MROH2B: variants seen among roughly 807,000 people sequenced by gnomAD.
MROH2B encodes maestro heat like repeat family member 2B.
In MROH2B, 177 loss-of-function variants were observed where a neutral mutation model predicts 208.6. That is an observed-to-expected ratio of 0.85 (90% confidence interval 0.75 to 0.96). The LOEUF (loss-of-function observed/expected upper bound fraction) is 0.96. MROH2B is among the 40% of genes least tolerant of loss of function. The probability of loss-of-function intolerance (pLI) is 0.00; values close to 1 mark genes in which losing one functional copy is unlikely to be tolerated. For synonymous variants in MROH2B, 728 were observed against 659.0 expected (o/e 1.10, Z -1.60); for missense variants, 2,002 against 1,878.7 (o/e 1.07, Z -1.21).
At position 41,047,711 on chromosome 5, in the gene MROH2B, C is replaced by T; in HGVS notation, c.1728+10G>A. The T allele has an allele frequency of 6.3e-7, 1 of 1,590,490 alleles. No individual in the cohort carries two copies. Reference sequence around the variant, plus strand: ...CCATTATTAAAAATTATTCTAGAAGCCAGCCTTACCTGAAGCAGCATGGTT... The same window carrying T: ...CCATTATTAAAAATTATTCTAGAAGTCAGCCTTACCTGAAGCAGCATGGTT... On this transcript the variant is annotated intron_variant, in intron 17 of 41. Transcript: ENST00000399564.
chr5:41,022,576 C>A (rs1040601959), intron 24 of MROH2B, among the ~76,000 whole-genome samples: 2 of 152,158 alleles, frequency 1.3e-5, no homozygotes, highest in Non-Finnish European at 1.5e-5. Flanking sequence ...TGGAGCCCAC[C>A]GCAGCTCAAG....
At chr5:41,022,334 T>C (rs1464233203) in intron 24 of MROH2B, among the ~76,000 whole-genome samples, 1 of 152,096 alleles carries the variant, frequency 6.6e-6, no homozygotes, top group African/African-American at 2.4e-5. Context: ...ACCTGGAAAA[T>C]TGGGTCACTC....
intron 13 of MROH2B, 107 bp from the exon 14 acceptor site, chr5:41,049,543 T>C (rs772184592): frequency 1.0e-5 from 14 of 1,404,440 alleles, no homozygotes; most frequent in Non-Finnish European, 1.3e-5. Flanking sequence ...CTCCTGTTAT[T>C]ATTTTGCTTT....
rs1407561976 is a variant in MROH2B, at chr5:41,018,386, T to C, written c.2718A>G (p.Glu906=). The change falls in exon 27 of 42, where the codon GAA becomes GAG. Residue 906 remains glutamate, a synonymous_variant. Transcript: ENST00000399564. ...CTTTCGCAGTGATCTGGAAGGCTCTTTCTCTTTCCCACTCTTTTTGTGAAA... is the reference window on the plus strand; with the variant it reads ...CTTTCGCAGTGATCTGGAAGGCTCTCTCTCTTTCCCACTCTTTTTGTGAAA... ...WLVSQKEWER[E]RAFQITAKVL... 9 of 1,613,266 alleles carry C rather than the reference T, an allele frequency of 5.6e-6. No individual in the cohort carries two copies. Among genetic ancestry groups the C allele is most frequent in the African/African-American group, 2.7e-5 (2 of 74,942 alleles).
At position 41,000,369 on chromosome 5, in the gene MROH2B, C is replaced by T; in HGVS notation, c.4351-18G>A. 1 of 1,612,728 alleles carries T rather than the reference C, an allele frequency of 6.2e-7. No individual in the cohort carries two copies. The highest frequency in any genetic ancestry group is 2.2e-5 in the East Asian group (1 of 44,872). On this transcript the variant is annotated intron_variant, in intron 38 of 41. Transcript: ENST00000399564. The stretch of plus-strand genomic sequence containing the variant: ...CGGCAAGCCTGGAAAACAGAGTTTT[C>T]TGCATCACAGTCCAGAACGTTAGGA...
intron 26 of MROH2B, 83 bp downstream of exon 26, chr5:41,018,608 G>C: frequency 6.5e-7 from 1 of 1,528,930 alleles, no homozygotes; most frequent in Non-Finnish European, 9.0e-7. Context: ...CTTCATGTAA[G>C]GAAAATGCAG....
At chr5:41,056,161 C>T (rs1401169490) in intron 9 of MROH2B, among the ~76,000 whole-genome samples, 2 of 152,092 alleles carry the variant, frequency 1.3e-5, no homozygotes, top group Non-Finnish European at 2.9e-5. Context: ...TTTAATATGA[C>T]TGGTGTCCTT....
chr5:41,069,515 A>G (rs1011083272), intron 2 of MROH2B, among the ~76,000 whole-genome samples, 176 bp downstream of exon 2: 6 of 152,206 alleles, frequency 3.9e-5, no homozygotes, highest in African/African-American at 1.4e-4. Context: ...TTGAAATGCC[A>G]AATATCATTG....
intron 4 of MROH2B, 146 bp from the exon 5 acceptor site, chr5:41,064,716 T>C: frequency 1.7e-6 from 1 of 577,260 alleles, no homozygotes; most frequent in Non-Finnish European, 3.1e-6. Context: ...AATTCCGCCA[T>C]CTCTACCCCA....
At position 41,008,594 on chromosome 5, in the gene MROH2B, T is replaced by A. The variant is rs372456843; in HGVS notation, c.3608+12A>T. The A allele has an allele frequency of 2.2e-5, 36 of 1,612,530 alleles. No homozygotes were observed. In the African/African-American group the frequency reaches 4.5e-4, roughly 20 times the overall value. ...GACCACTGTGGAAGATGCTTCCTGA[T>A]TGGCCGTTTACCTGCAGGGGTCTGG... On this transcript the variant is annotated intron_variant, in intron 33 of 41. Coordinates refer to ENST00000399564, the MANE Select transcript of MROH2B (RefSeq NM_173489.5).
chr5:41,002,124 C>G (rs1034428125), intron 37 of MROH2B, among the ~76,000 whole-genome samples: 1 of 151,986 alleles, frequency 6.6e-6, no homozygotes, highest in Non-Finnish European at 1.5e-5. Flanking sequence ...AAAGAGGAAG[C>G]TAACCAAAAA....
intron 2 of MROH2B, among the ~76,000 whole-genome samples, chr5:41,069,186 T>C (rs1196728334): frequency 2.0e-5 from 3 of 152,210 alleles, no homozygotes; most frequent in Admixed American, 1.3e-4. Context: ...TATTATACAA[T>C]ACACTGTTGT....
intron 28 of MROH2B, among the ~76,000 whole-genome samples, chr5:41,016,353 T>C (rs1741948249): frequency 6.6e-6 from 1 of 152,152 alleles, no homozygotes; most frequent in Admixed American, 6.6e-5. Flanking sequence ...GGCGTTCTAT[T>C]AACAAAGAGT....
intron 17 of MROH2B, among the ~76,000 whole-genome samples, chr5:41,046,721 GA>G (rs200178976): frequency 8.6e-5 from 13 of 150,856 alleles, no homozygotes; most frequent in East Asian, 1.9e-4. Flanking sequence ...CTTCCTACTA[GA>G]AAAAAAAATA....
chr5:41,054,702 G>A, intron 11 of MROH2B, 65 bp downstream of exon 11: 3 of 1,289,364 alleles, frequency 2.3e-6, no homozygotes, highest in Non-Finnish European at 3.3e-6. Context: ...GATCCTTAAA[G>A]AATCAAAATA....
chr5:41,037,608 T>C (rs576469156), intron 21 of MROH2B, among the ~76,000 whole-genome samples: 1 of 152,300 alleles, frequency 6.6e-6, no homozygotes, highest in East Asian at 1.9e-4. Context: ...TACATAAGAA[T>C]AAATGTGAAG....
At chr5:41,048,273 T>A (rs1474278103) in intron 16 of MROH2B, 51 bp downstream of exon 16, 18 of 1,537,300 alleles carry the variant, frequency 1.2e-5, no homozygotes, top group Non-Finnish European at 1.6e-5. Context: ...GGTGCATTAT[T>A]TCTTTATGTT....
chr5:41,055,915 G>T (rs1026232449), intron 9 of MROH2B, 60 bp from the exon 10 acceptor site: 1 of 1,179,786 alleles, frequency 8.5e-7, no homozygotes, highest in South Asian at 1.2e-5. Context: ...AAATACTTGT[G>T]AATGGGAGGA....
chr5:41,070,762 A>G (rs1743964525), intron 1 of MROH2B, 63 bp downstream of exon 1: 1 of 1,560,718 alleles, frequency 6.4e-7, no homozygotes, highest in African/African-American at 1.4e-5. Context: ...ATATATACTT[A>G]TAATTCCACA....
Sources: gnomAD v4.1 joint callset for allele counts (sites outside exome capture counted in the v4.1 genomes callset) on GRCh38, gnomAD v4.1.1 for gene constraint, MANE v1.5 for transcripts, NCBI Gene and HGNC (gene_info 2026-07-23, HGNC 2026-07-21) for gene names.